Variants in TBC1D8B observed in about 807,000 individuals in gnomAD.
TBC1D8B encodes the protein TBC1 domain family member 8B.
A neutral mutation model predicts 82.9 loss-of-function variants in TBC1D8B; 75 were observed. That is an observed-to-expected ratio of 0.90 (90% CI 0.75 to 1.10). TBC1D8B has a LOEUF of 1.10. Among genes scored for constraint, TBC1D8B ranks in the 50% least tolerant of loss-of-function variants. The pLI, the probability that TBC1D8B is intolerant of heterozygous loss-of-function variation, is 0.00. For missense variants in TBC1D8B, 794 were observed against 796.9 expected (o/e 1.00, Z 0.04); for synonymous variants, 276 against 276.8 (o/e 1.00, Z 0.03).
intron 7 of TBC1D8B, among the ~76,000 whole-genome samples, chrX:106,833,816 A>C (rs1221768932): frequency 9.0e-6 from 1 of 111,335 alleles, no homozygotes; most frequent in African/African-American, 3.3e-5. Flanking sequence ...CTGATGATTC[A>C]GTCATTTAAA....
intron 1 of TBC1D8B, among the ~76,000 whole-genome samples, chrX:106,811,351 CT>C (rs908814169): frequency 8.1e-5 from 9 of 111,225 alleles, no homozygotes; most frequent in African/African-American, 2.6e-4. Context: ...ACAGTAAGAC[CT>C]TGTGTCTACA....
rs1400619113 is a variant in TBC1D8B at position 106,854,217 on chromosome X, A to C, written c.2273A>C (p.Tyr758Ser). 3 of 1,172,735 alleles carry C rather than the reference A, an allele frequency of 2.6e-6. No homozygotes were observed. Among genetic ancestry groups the C allele is most frequent in the Non-Finnish European group, 3.4e-6 (3 of 879,075 alleles). Residue 758 changes from tyrosine (Y) to serine (S), a missense_variant, in exon 14 of 21, where the codon TAT becomes TCT. Coordinates refer to ENST00000357242, the MANE Select transcript of TBC1D8B (RefSeq NM_017752.3). ...ESNEKYGNIR[Y>S]EDIHSMRCRN... ...TTGCAGAAATATGGTAATATTCGCT[A>C]TGAAGATATACATAGTATGCGCTGT...
At chrX:106,825,044 A>G (rs1014014753) in intron 5 of TBC1D8B, among the ~76,000 whole-genome samples, 1 of 111,361 alleles carries the variant, frequency 9.0e-6, no homozygotes, top group Admixed American at 9.6e-5. Flanking sequence ...TTTCTCTTGT[A>G]TCATGGACAA....
rs376292632 is a variant in TBC1D8B, at chrX:106,802,828, T to C, written c.-26T>C. 2 of 1,207,446 alleles carry C rather than the reference T, an allele frequency of 1.7e-6. No homozygotes were observed. ...GAGGTGAGGAGGGCATCTAGGTCACTGCTCCCGGGGGGCACAAAGTTCGCG... is the reference window on the plus strand; with the variant it reads ...GAGGTGAGGAGGGCATCTAGGTCACCGCTCCCGGGGGGCACAAAGTTCGCG... On this transcript the variant is annotated 5_prime_UTR_variant, in exon 1 of 21. Coordinates refer to ENST00000357242, the MANE Select transcript of TBC1D8B (RefSeq NM_017752.3).
chrX:106,868,559 C>A, intron 18 of TBC1D8B, 83 bp downstream of exon 18: 1 of 601,835 alleles, frequency 1.7e-6, no homozygotes, highest in African/African-American at 2.3e-5. Context: ...CTTTACCCAA[C>A]TAAAATTGGG....
At chrX:106,860,340 G>GGTGT (rs3078333) in intron 14 of TBC1D8B, among the ~76,000 whole-genome samples, 2,489 of 82,732 alleles carry the variant, frequency 0.03, 42 homozygotes, top group East Asian at 0.044. Flanking sequence ...TTTTATGATT[G>GGTGT]GTGTGTGTGT....
intron 14 of TBC1D8B, among the ~76,000 whole-genome samples, chrX:106,863,216 C>A (rs781594330): frequency 9.0e-6 from 1 of 111,700 alleles, no homozygotes; most frequent in East Asian, 2.8e-4. Context: ...TTAGTGTTGT[C>A]TTTTGGGCTG....
In TBC1D8B at chrX:106,875,815, T is replaced by A. The variant is rs941203232; in HGVS notation, c.*1850T>A. The A allele has an allele frequency of 4.4e-5, 5 of 112,417 alleles. No homozygotes were observed. The highest frequency in any genetic ancestry group is 9.4e-5 in the Non-Finnish European group (5 of 53,292). The allele number at this position is 112,417 out of a possible 1,213,427, so 9.3% of individuals were successfully genotyped here. A position where few individuals can be genotyped will look rare whatever the true frequency, so the allele number is the denominator to read the frequency against. On this transcript the variant is annotated 3_prime_UTR_variant, in exon 21 of 21. Coordinates refer to ENST00000357242, the MANE Select transcript of TBC1D8B (RefSeq NM_017752.3). ...ATATGTTATTAATATTTGATATGAT[T>A]TTAAAGTCAGAATAGTACAGATTGC...
At chrX:106,835,612 T>C (rs1932158322) in intron 7 of TBC1D8B, among the ~76,000 whole-genome samples, 2 of 112,348 alleles carry the variant, frequency 1.8e-5, no homozygotes, top group Admixed American at 1.9e-4. Context: ...CCAAACTTTT[T>C]GCTCTGCTTC....
intron 16 of TBC1D8B, 72 bp from the exon 17 acceptor site, chrX:106,866,725 A>G: frequency 1.3e-6 from 1 of 791,011 alleles, no homozygotes; most frequent in Non-Finnish European, 1.8e-6. Flanking sequence ...TATCTTAATT[A>G]ATCTTTGTTG....
At position 106,837,292 on chromosome X, in the gene TBC1D8B, G is replaced by A. The variant is rs145890071; in HGVS notation, c.1204-2016G>A. Among the ~76,000 whole-genome samples, 178 of 111,968 alleles carry A rather than the reference G, an allele frequency of 1.6e-3. 2 individuals carry two copies. Among genetic ancestry groups the A allele is most frequent in the African/African-American group, 5.5e-3 (171 of 30,941 alleles). ...TGGAGGAAATATTTGCCAATTATAT[G>A]TCTGGTAAGGGACTGCTGTCTAGAA... On this transcript the variant is annotated intron_variant, in intron 7 of 20. Coordinates refer to ENST00000357242, the MANE Select transcript of TBC1D8B (RefSeq NM_017752.3).
chrX:106,853,887 A>G (rs1932644666), intron 13 of TBC1D8B, among the ~76,000 whole-genome samples: 1 of 111,975 alleles, frequency 8.9e-6, no homozygotes, highest in African/African-American at 3.2e-5. Flanking sequence ...AATAATGACC[A>G]CTTTAAACAT....
intron 1 of TBC1D8B, among the ~76,000 whole-genome samples, chrX:106,808,068 CAATAAT>C (rs1180329137): frequency 9.1e-6 from 1 of 109,481 alleles, no homozygotes; most frequent in African/African-American, 3.4e-5. Flanking sequence ...ATAATAATAA[CAATAAT>C]AATAATAATA....
chrX:106,865,677 T>C, intron 15 of TBC1D8B, 50 bp downstream of exon 15: 1 of 1,099,058 alleles, frequency 9.1e-7, no homozygotes, highest in Non-Finnish European at 1.2e-6. Context: ...TTTAGCAGAA[T>C]TGTATCACAG....
intron 13 of TBC1D8B, among the ~76,000 whole-genome samples, chrX:106,853,935 A>G (rs768092822): frequency 8.9e-6 from 1 of 112,064 alleles, no homozygotes; most frequent in East Asian, 2.8e-4. Flanking sequence ...TCTCATTATT[A>G]TTATTCACTT....
chrX:106,810,084 T>C (rs1471780817), intron 1 of TBC1D8B, among the ~76,000 whole-genome samples: 1 of 111,663 alleles, frequency 9.0e-6, no homozygotes, highest in East Asian at 2.8e-4. Context: ...AGGCCAGCTG[T>C]CTTATAAAGT....
chrX:106,824,305 C>T (rs1325533906), intron 5 of TBC1D8B, among the ~76,000 whole-genome samples: 1 of 110,827 alleles, frequency 9.0e-6, no homozygotes, highest in African/African-American at 3.3e-5. Context: ...AAGCCAAAGT[C>T]CTATGGATAG....
At chrX:106,807,233 C>T (rs1931215289) in intron 1 of TBC1D8B, among the ~76,000 whole-genome samples, 1 of 106,396 alleles carries the variant, frequency 9.4e-6, no homozygotes, top group Admixed American at 1.0e-4. Context: ...CACAAACACA[C>T]ACACACAAAA....
intron 10 of TBC1D8B, among the ~76,000 whole-genome samples, chrX:106,846,092 TCTC>T (rs1370367087): frequency 1.0e-5 from 1 of 97,058 alleles, no homozygotes; most frequent in Non-Finnish European, 2.0e-5. Context: ...TCTCTCTCTC[TCTC>T]TTTTTTTTTT....
Sources: gnomAD v4.1 joint callset for allele counts (sites outside exome capture counted in the v4.1 genomes callset) on GRCh38, gnomAD v4.1.1 for gene constraint, MANE v1.5 for transcripts, NCBI Gene and HGNC (gene_info 2026-07-23, HGNC 2026-07-21) for gene names.